Variants in RCBTB2 observed in about 807,000 individuals in gnomAD.
The protein encoded by RCBTB2 is RCC1 and BTB domain containing protein 2, also known as RCC1 and BTB domain-containing protein 2.
RCBTB2 carries 55 observed loss-of-function variants against 65.4 expected under a neutral mutation model. The observed-to-expected ratio is 0.84, with a 90% CI of 0.68 to 1.05. RCBTB2 has a LOEUF of 1.05. RCBTB2 is among the 50% of genes least tolerant of loss of function. RCBTB2 has a pLI of 0.00. For synonymous variants in RCBTB2, 220 were observed against 255.2 expected (o/e 0.86, Z 1.31); for missense variants, 599 against 680.1 (o/e 0.88, Z 1.33).
intron 1 of RCBTB2, among the ~76,000 whole-genome samples, chr13:48,526,215 T>C (rs1025967280): frequency 3.3e-5 from 5 of 152,196 alleles, no homozygotes; most frequent in African/African-American, 9.7e-5. Context: ...ACTCATAAAC[T>C]ATAATTTCTT....
chr13:48,518,549 A>T (rs1200322987), intron 4 of RCBTB2, among the ~76,000 whole-genome samples: 2 of 149,320 alleles, frequency 1.3e-5, no homozygotes, highest in African/African-American at 2.5e-5. Flanking sequence ...GACAACCTTA[A>T]TTTGGAATTT....
chr13:48,490,366 G>C (rs1949645514), intron 14 of RCBTB2, 115 bp from the exon 15 acceptor site: 2 of 793,840 alleles, frequency 2.5e-6, no homozygotes, highest in Admixed American at 2.6e-5. Context: ...TAGGCAAGTG[G>C]AGGAAATGAT....
At position 48,516,098 on chromosome 13, in the gene RCBTB2, GA is replaced by G. The variant is rs1225622755; in HGVS notation, c.43-358del. Among the ~76,000 whole-genome samples the G allele has an allele frequency of 5.7e-5, 3 of 52,716 alleles. No homozygotes were observed. The African/African-American group carries it at 2.7e-3, about 47-fold the overall frequency. 34.6% of individuals were successfully genotyped at this position (52,716 alleles called of 152,430 possible). On this transcript the variant is annotated intron_variant, in intron 4 of 14. Coordinates refer to ENST00000344532, the MANE Select transcript of RCBTB2 (RefSeq NM_001268.4). ...GCTGGTTGTAAAAGCAAGAGAGACA[GA>G]GAGAGAGAGAGAGAGAGAGAGCTGC...
At position 48,496,264 on chromosome 13, in the gene RCBTB2, T is replaced by C. The variant is rs762162769; in HGVS notation, c.1442A>G (p.Gln481Arg). 5 of 1,594,388 alleles carry C rather than the reference T, an allele frequency of 3.1e-6. No homozygotes were observed. The highest frequency in any genetic ancestry group is 4.3e-6 in the Non-Finnish European group (5 of 1,170,478). Residue 481 changes from glutamine to arginine, a missense_variant, in exon 14 of 15, where the codon CAA becomes CGA. Physicochemically the swap from Gln to Arg is conservative, Grantham distance 43. Coordinates refer to ENST00000344532, the MANE Select transcript of RCBTB2 (RefSeq NM_001268.4). The stretch of plus-strand genomic sequence containing the variant: ...CTCGCAGATGCCTTGCTTGATAGTT[T>C]GTTGGCAGAGCTTTTTCAAACGATT... ...RENRLKKLCQQTIKQGICEEN... is the reference protein window; with the variant it reads ...RENRLKKLCQRTIKQGICEEN...
At chr13:48,524,954 T>C (rs1229478778) in intron 1 of RCBTB2, among the ~76,000 whole-genome samples, 197 bp from the exon 2 acceptor site, 1 of 152,158 alleles carries the variant, frequency 6.6e-6, no homozygotes, top group African/African-American at 2.4e-5. Flanking sequence ...AATGTAACTT[T>C]AGAATATCAT....
At position 48,498,456 on chromosome 13, in the gene RCBTB2, C is replaced by T. The variant is rs187045637; in HGVS notation, c.1384+1165G>A. On this transcript the variant is annotated intron_variant, in intron 13 of 14. Transcript: ENST00000344532. ...TAAAAAACTGCCACTCGCGGCCGGGCGCAGTGGCTCACGCCTGTAATCCCA... is the reference window on the plus strand; with the variant it reads ...TAAAAAACTGCCACTCGCGGCCGGGTGCAGTGGCTCACGCCTGTAATCCCA... 7.4e-4 allele frequency among the ~76,000 whole-genome samples: 113 copies of T among 152,244 alleles called. 6 individuals are homozygous for T. Among genetic ancestry groups the T allele is most frequent in the East Asian group, 3.5e-3 (18 of 5,170 alleles).
In RCBTB2 at chr13:48,525,040, TTAATC is replaced by T. The variant is rs765565878; in HGVS notation, c.-218-288_-218-284del. Among the ~76,000 whole-genome samples, 53 of 152,010 alleles carry T rather than the reference TTAATC, an allele frequency of 3.5e-4. No individual in the cohort carries two copies. The East Asian group carries it at 9.5e-3, about 27-fold the overall frequency. On this transcript the variant is annotated intron_variant, in intron 1 of 14. Coordinates refer to ENST00000344532, the MANE Select transcript of RCBTB2 (RefSeq NM_001268.4). ...TGAAAAAATGCACACTAAGGAGAATTTAATCTATAGTATTTCCATATGGAAAATAA... is the reference window on the plus strand; with the variant it reads ...TGAAAAAATGCACACTAAGGAGAATTTATAGTATTTCCATATGGAAAATAA...
chr13:48,527,058 A>T (rs1420164463), intron 1 of RCBTB2, among the ~76,000 whole-genome samples: 1 of 151,848 alleles, frequency 6.6e-6, no homozygotes, highest in African/African-American at 2.4e-5. Context: ...TAAAATGGCA[A>T]AAATGTGCTT....
Position 48,510,737 on chromosome 13 carries a change from G to A in RCBTB2, c.818C>T (p.Thr273Ile), listed in dbSNP as rs572019641. 222 of 1,613,972 alleles carry A rather than the reference G, an allele frequency of 1.4e-4. 4 individuals are homozygous for A. In the South Asian group the frequency reaches 2.3e-3, roughly 17 times the overall value. The change falls in exon 10 of 15, where the codon ACA becomes ATA. Residue 273 changes from threonine (T) to isoleucine (I), a missense_variant. Transcript: ENST00000344532. Reference protein sequence around the residue: ...ACGYAHTLVLTDEGQVYAWGA... With the variant: ...ACGYAHTLVLIDEGQVYAWGA... Reference sequence around the variant, plus strand: ...CCAAGCATACACTTGGCCTTCATCTGTTAATACTAATGTGTGTGCGTAGCC... The same window carrying A: ...CCAAGCATACACTTGGCCTTCATCTATTAATACTAATGTGTGTGCGTAGCC...
chr13:48,535,038 G>C (rs1952344187), upstream of RCBTB2, among the ~76,000 whole-genome samples: 1 of 152,134 alleles, frequency 6.6e-6, no homozygotes. Context: ...TCAGGTAGTT[G>C]TCACCTCTCA....
chr13:48,517,914 C>T (rs758001467), intron 4 of RCBTB2, among the ~76,000 whole-genome samples: 9 of 152,028 alleles, frequency 5.9e-5, no homozygotes, highest in East Asian at 1.9e-4. Context: ...GTGGACCCTA[C>T]GTCCAATGAC....
At chr13:48,493,341 T>TCTCTCTC (rs1555297879) in intron 14 of RCBTB2, among the ~76,000 whole-genome samples, 5 of 55,496 alleles carry the variant, frequency 9.0e-5, no homozygotes, top group East Asian at 6.8e-4. Context: ...TCTCTCTCTC[T>TCTCTCTC]TCTCTTCTCT....
chr13:48,501,645 T>G, intron 12 of RCBTB2, 97 bp downstream of exon 12: 2 of 1,013,834 alleles, frequency 2.0e-6, no homozygotes, highest in East Asian at 2.5e-5. Context: ...GCCTTACAAT[T>G]TTTCTTGATT....
chr13:48,495,587 TTG>T (rs1949932400), intron 14 of RCBTB2, among the ~76,000 whole-genome samples: 1 of 152,210 alleles, frequency 6.6e-6, no homozygotes, highest in South Asian at 2.1e-4. Flanking sequence ...AGATAAATAC[TTG>T]TGAGTGAATT....
chr13:48,492,048 A>G (rs1488915479), intron 14 of RCBTB2, among the ~76,000 whole-genome samples: 1 of 152,092 alleles, frequency 6.6e-6, no homozygotes, highest in East Asian at 1.9e-4. Flanking sequence ...GTCCTACCAC[A>G]TTCTCCTAGT....
At chr13:48,522,161 T>A in intron 3 of RCBTB2, 147 bp downstream of exon 3, 1 of 700,054 alleles carries the variant, frequency 1.4e-6, no homozygotes, top group South Asian at 1.8e-5. Flanking sequence ...CTGGAACTAC[T>A]GGATGGCCTC....
At chr13:48,493,439 C>A (rs1949835538) in intron 14 of RCBTB2, among the ~76,000 whole-genome samples, 1 of 151,652 alleles carries the variant, frequency 6.6e-6, no homozygotes. Flanking sequence ...AAATGCCCAT[C>A]ATATCTGCTC....
At chr13:48,505,512 G>A (rs1489330751) in intron 10 of RCBTB2, among the ~76,000 whole-genome samples, 2 of 152,208 alleles carry the variant, frequency 1.3e-5, no homozygotes, top group Non-Finnish European at 2.9e-5. Context: ...TTCTCAATCA[G>A]CATCATTCTT....
intron 1 of RCBTB2, 188 bp downstream of exon 1, chr13:48,532,840 A>C (rs1031412341): frequency 1.4e-5 from 5 of 347,334 alleles, no homozygotes; most frequent in Non-Finnish European, 2.9e-5. Flanking sequence ...AGTTTTACGC[A>C]TGCGCGACGA....
Sources: gnomAD v4.1 joint callset for allele counts (sites outside exome capture counted in the v4.1 genomes callset) on GRCh38, gnomAD v4.1.1 for gene constraint, MANE v1.5 for transcripts, NCBI Gene and HGNC (gene_info 2026-07-23, HGNC 2026-07-21) for gene names.